Variants in COL25A1 observed in about 807,000 individuals in gnomAD.
COL25A1 encodes the protein collagen alpha-1(XXV) chain.
Under a neutral mutation model 128.4 loss-of-function variants are expected in COL25A1, and 103 were observed. The observed-to-expected ratio is 0.80, with a 90% confidence interval of 0.68 to 0.94. COL25A1 has a LOEUF of 0.94. Among genes scored for constraint, COL25A1 ranks in the 40% least tolerant of loss-of-function variants. COL25A1 has a pLI of 0.00. For missense variants in COL25A1, 745 were observed against 840.0 expected, an observed-to-expected ratio of 0.89 and a Z score of 1.40; for synonymous variants, 279 against 277.2, an observed-to-expected ratio of 1.01 and a Z score of -0.06.
intron 8 of COL25A1, among the ~76,000 whole-genome samples, chr4:108,972,330 GAGA>G (rs1751999787): frequency 6.6e-6 from 1 of 152,164 alleles, no homozygotes; most frequent in South Asian, 2.1e-4. Context: ...TGCCTAAATA[GAGA>G]ATGTGGGTAA....
At chr4:109,031,760 T>C (rs574588667) in intron 5 of COL25A1, among the ~76,000 whole-genome samples, 5 of 152,244 alleles carry the variant, frequency 3.3e-5, no homozygotes, top group South Asian at 2.1e-4. Flanking sequence ...CTTCCTCCAA[T>C]TGCTATAAGC....
chr4:108,942,506 T>C (rs1429081193), intron 8 of COL25A1, among the ~76,000 whole-genome samples: 1 of 151,908 alleles, frequency 6.6e-6, no homozygotes, highest in Admixed American at 6.6e-5. Flanking sequence ...TGCAGTGGCC[T>C]GATCTAGGCT....
At chr4:108,844,929 C>T (rs1734908019) in intron 29 of COL25A1, among the ~76,000 whole-genome samples, 1 of 151,822 alleles carries the variant, frequency 6.6e-6, no homozygotes, top group African/African-American at 2.4e-5. Flanking sequence ...AAAGATCTAC[C>T]CATTGTTAGG....
intron 3 of COL25A1, among the ~76,000 whole-genome samples, chr4:109,251,289 A>G (rs1433933849): frequency 1.3e-5 from 2 of 152,222 alleles, no homozygotes; most frequent in African/African-American, 4.8e-5. Context: ...CTCATTCTGT[A>G]TTCCCTTTGC....
At chr4:109,128,662 C>T (rs977195617) in intron 3 of COL25A1, among the ~76,000 whole-genome samples, 19 of 152,114 alleles carry the variant, frequency 1.2e-4, no homozygotes, top group African/African-American at 4.6e-4. Context: ...TCTGTGTATC[C>T]CAGAGTAGGA....
chr4:109,190,272 G>A lies in COL25A1; in HGVS notation c.367+110311C>T, dbSNP rs73838545. 5.5e-3 allele frequency among the ~76,000 whole-genome samples: 839 copies of A among 152,224 alleles called. 14 individuals are homozygous for A. Among genetic ancestry groups the A allele is most frequent in the African/African-American group, 0.019 (791 of 41,548 alleles). On this transcript the variant is annotated intron_variant, in intron 3 of 37. Coordinates refer to ENST00000399132, the MANE Select transcript of COL25A1 (RefSeq NM_198721.4). Reference sequence around the variant, plus strand: ...ACTTTCCTAGACTGAAAAAAATCATGGATATACAAATGAGATGGGCTCATC... The same window carrying A: ...ACTTTCCTAGACTGAAAAAAATCATAGATATACAAATGAGATGGGCTCATC...
At chr4:109,147,858 T>G (rs148754849) in intron 3 of COL25A1, among the ~76,000 whole-genome samples, 2,102 of 151,620 alleles carry the variant, frequency 0.014, 20 homozygotes, top group South Asian at 0.026. Context: ...TCTATTTACA[T>G]ATTTAAAAAT....
At position 108,947,429 on chromosome 4, in the gene COL25A1, T is replaced by C. The variant is rs142692599; in HGVS notation, c.493-5992A>G. ...TGCACTCCAGCTTGGGCAACAAAAA[T>C]GAAACTCCGTCTCAAAAAAAAAAGA... On this transcript the variant is annotated intron_variant, in intron 8 of 37. Coordinates refer to ENST00000399132, the MANE Select transcript of COL25A1 (RefSeq NM_198721.4). Among the ~76,000 whole-genome samples, 21 of 142,460 alleles carry C rather than the reference T, an allele frequency of 1.5e-4. No homozygotes were observed. In the East Asian group the frequency reaches 4.0e-3, roughly 27 times the overall value. The allele number at this position is 142,460 out of a possible 152,430, so 93.5% of individuals were successfully genotyped here.
intron 3 of COL25A1, among the ~76,000 whole-genome samples, chr4:109,168,217 C>T (rs1773254403): frequency 6.6e-6 from 1 of 152,156 alleles, no homozygotes; most frequent in Non-Finnish European, 1.5e-5. Flanking sequence ...TCCCTCTGAA[C>T]TCTTCCTCCA....
intron 8 of COL25A1, among the ~76,000 whole-genome samples, chr4:108,950,794 C>G (rs145789848): frequency 1.3e-5 from 2 of 152,294 alleles, no homozygotes; most frequent in East Asian, 3.9e-4. Context: ...ACATGCTATA[C>G]GCCAAGTACA....
intron 3 of COL25A1, among the ~76,000 whole-genome samples, chr4:109,240,652 T>C (rs1366760864): frequency 6.6e-6 from 1 of 152,074 alleles, no homozygotes; most frequent in Non-Finnish European, 1.5e-5. Context: ...TTTGCCTTTA[T>C]AATCAGCAAC....
At chr4:108,929,289 A>AT (rs1179965936) in intron 11 of COL25A1, among the ~76,000 whole-genome samples, 1 of 151,086 alleles carries the variant, frequency 6.6e-6, no homozygotes, top group Admixed American at 6.6e-5. Flanking sequence ...ATGCCTGCTA[A>AT]TTTTTTCTAT....
chr4:109,206,006 T>C (rs1019344693), intron 3 of COL25A1, among the ~76,000 whole-genome samples: 2 of 152,140 alleles, frequency 1.3e-5, no homozygotes, highest in Admixed American at 6.6e-5. Context: ...ATTCCCAGTT[T>C]TCAGGGACCA....
At chr4:109,029,411 C>T (rs1758623562) in intron 5 of COL25A1, among the ~76,000 whole-genome samples, 1 of 152,196 alleles carries the variant, frequency 6.6e-6, no homozygotes, top group Non-Finnish European at 1.5e-5. Context: ...CTCACTTCCT[C>T]TCACCATGTA....
chr4:109,295,634 T>G (rs1479791509), intron 3 of COL25A1, among the ~76,000 whole-genome samples: 2 of 152,100 alleles, frequency 1.3e-5, no homozygotes, highest in Admixed American at 1.3e-4. Flanking sequence ...ACAAGTTTTA[T>G]GTGAGAAAGT....
chr4:109,162,150 T>C (rs1772637020), intron 3 of COL25A1, among the ~76,000 whole-genome samples: 1 of 152,170 alleles, frequency 6.6e-6, no homozygotes, highest in African/African-American at 2.4e-5. Context: ...CAATTGAAGA[T>C]ATAACAGGGG....
At chr4:109,166,819 T>C (rs987257916) in intron 3 of COL25A1, among the ~76,000 whole-genome samples, 2 of 152,198 alleles carry the variant, frequency 1.3e-5, no homozygotes, top group South Asian at 2.1e-4. Context: ...TTGTGACTAA[T>C]GGGTTTTTCA....
chr4:109,288,449 T>C (rs1004033669), intron 3 of COL25A1, among the ~76,000 whole-genome samples: 3 of 152,176 alleles, frequency 2.0e-5, no homozygotes, highest in African/African-American at 7.2e-5. Flanking sequence ...CAAAATCCAT[T>C]ATGATCAAAG....
chr4:108,848,738 G>C, intron 27 of COL25A1, 21 bp downstream of exon 27: 1 of 1,499,716 alleles, frequency 6.7e-7, no homozygotes, highest in Non-Finnish European at 9.3e-7. Context: ...TTAAATAATA[G>C]TATACATCTT....
Sources: gnomAD v4.1 joint callset for allele counts (sites outside exome capture counted in the v4.1 genomes callset) on GRCh38, gnomAD v4.1.1 for gene constraint, MANE v1.5 for transcripts, NCBI Gene and HGNC (gene_info 2026-07-23, HGNC 2026-07-21) for gene names.